PCDHGA4: variants seen among roughly 807,000 people sequenced by gnomAD.
PCDHGA4 encodes protocadherin gamma subfamily A, 4.
In PCDHGA4, 38 loss-of-function variants were observed where a neutral mutation model predicts 54.6. That is an observed-to-expected ratio of 0.70 (90% CI 0.54 to 0.91). The LOEUF is 0.91. Among genes scored for constraint, PCDHGA4 ranks in the 40% least tolerant of loss-of-function variants. The pLI is 0.00. For synonymous variants in PCDHGA4, 511 were observed against 512.9 expected (o/e 1.00, Z 0.05); for missense variants, 1,298 against 1,220.9 (o/e 1.06, Z -0.94).
Position 141,423,519 on chromosome 5 carries a change from G to A in PCDHGA4, c.2514+65898G>A, listed in dbSNP as rs758742300. On this transcript the variant is annotated intron_variant, in intron 1 of 3. Coordinates refer to ENST00000571252, the MANE Select transcript of PCDHGA4 (RefSeq NM_018917.4). ...ACGAGGTCTCTCTCATTGCGGACTC[G>A]CAGAAGAGTCACCTGATTTTCCCCC... 8.1e-6 allele frequency: 13 copies of A among 1,613,752 alleles called. 1 individual carries two copies. In the South Asian group the frequency reaches 1.1e-4, roughly 14 times the overall value.
At chr5:141,372,522 G>T in intron 1 of PCDHGA4, 1 of 1,613,986 alleles carries the variant, frequency 6.2e-7, no homozygotes, top group Non-Finnish European at 8.5e-7. Context: ...GGTGATTCTG[G>T]CAATCTCCCT....
intron 1 of PCDHGA4, among the ~76,000 whole-genome samples, chr5:141,402,022 T>A (rs1170426258): frequency 6.6e-6 from 1 of 152,210 alleles, no homozygotes; most frequent in East Asian, 1.9e-4. Context: ...TTTGAATCAT[T>A]GAAACACAGT....
rs557311426 is a variant in PCDHGA4, at chr5:141,384,226, G to T, written c.2514+26605G>T. 56 of 1,613,860 alleles carry T rather than the reference G, an allele frequency of 3.5e-5. No homozygotes were observed. In the East Asian group the frequency reaches 1.2e-3, roughly 34 times the overall value. ...GGAAACTCACATATTCATGCAGGTGGCAGACACCAACGATAACCCACCCAC... is the reference window on the plus strand; with the variant it reads ...GGAAACTCACATATTCATGCAGGTGTCAGACACCAACGATAACCCACCCAC... On this transcript the variant is annotated intron_variant, in intron 1 of 3. Coordinates refer to ENST00000571252, the MANE Select transcript of PCDHGA4 (RefSeq NM_018917.4).
intron 1 of PCDHGA4, chr5:141,383,490 G>A: frequency 6.2e-7 from 1 of 1,613,286 alleles, no homozygotes; most frequent in South Asian, 1.1e-5. Flanking sequence ...TGGTGCTGGA[G>A]CGGGTGCTGG....
intron 1 of PCDHGA4, chr5:141,370,117 T>A (rs1370014125): frequency 5.2e-6 from 2 of 381,566 alleles, no homozygotes; most frequent in Admixed American, 4.1e-5. Flanking sequence ...CCTAACTAGC[T>A]CCTTATTTGG....
At chr5:141,456,352 C>T (rs1253586137) in intron 1 of PCDHGA4, among the ~76,000 whole-genome samples, 1 of 152,050 alleles carries the variant, frequency 6.6e-6, no homozygotes, top group Non-Finnish European at 1.5e-5. Flanking sequence ...GGAAGAATGG[C>T]GTCCATGTGT....
At chr5:141,506,898 T>C (rs2099857040) in intron 3 of PCDHGA4, among the ~76,000 whole-genome samples, 1 of 152,260 alleles carries the variant, frequency 6.6e-6, no homozygotes, top group East Asian at 1.9e-4. Context: ...AGAAGCACTG[T>C]CATCACACCT....
chr5:141,403,438 T>G (rs759998240), intron 1 of PCDHGA4: 12 of 1,614,054 alleles, frequency 7.4e-6, no homozygotes, highest in Non-Finnish European at 8.5e-6. Flanking sequence ...ATCCGGATGT[T>G]GGCGTGAACT....
chr5:141,481,901 G>A (rs1297925755), intron 1 of PCDHGA4, among the ~76,000 whole-genome samples: 2 of 125,298 alleles, frequency 1.6e-5, no homozygotes, highest in Non-Finnish European at 3.2e-5. Context: ...GTGAAAGAGC[G>A]AAACTCCATC....
intron 1 of PCDHGA4, chr5:141,423,903 AG>A: frequency 7.8e-7 from 1 of 1,276,130 alleles, no homozygotes. Context: ...TTGATTTCAA[AG>A]GGGCCATTCA....
chr5:141,449,498 A>G (rs1190732747), intron 1 of PCDHGA4, among the ~76,000 whole-genome samples: 7 of 150,506 alleles, frequency 4.7e-5, no homozygotes, highest in Non-Finnish European at 8.9e-5. Flanking sequence ...GTGAGGCATG[A>G]GAAATGCTTG....
intron 1 of PCDHGA4, among the ~76,000 whole-genome samples, chr5:141,470,142 A>G (rs1308458765): frequency 6.6e-6 from 1 of 152,044 alleles, no homozygotes; most frequent in Non-Finnish European, 1.5e-5. Context: ...AAAAAAGATC[A>G]TAGATCATCT....
chr5:141,427,213 G>A (rs566924176), intron 1 of PCDHGA4: 3 of 456,706 alleles, frequency 6.6e-6, no homozygotes, highest in East Asian at 6.9e-5. Context: ...TTCGAATTTC[G>A]TAGCAGTTAT....
chr5:141,369,529 T>C (rs1766316708), intron 1 of PCDHGA4, among the ~76,000 whole-genome samples: 1 of 152,170 alleles, frequency 6.6e-6, no homozygotes, highest in South Asian at 2.1e-4. Flanking sequence ...TCAATCATAC[T>C]TATTTAATTA....
intron 1 of PCDHGA4, chr5:141,366,971 C>A: frequency 1.7e-6 from 1 of 573,096 alleles, no homozygotes; most frequent in Non-Finnish European, 2.8e-6. Flanking sequence ...GAAACAAATA[C>A]CTTAAAGGAA....
rs1193465269 is a variant in PCDHGA4 at position 141,467,055 on chromosome 5, C to CT, written c.2515-27736dup. Among the ~76,000 whole-genome samples, 814 of 134,448 alleles carry CT rather than the reference C, an allele frequency of 6.1e-3. 10 individuals carry two copies. Among genetic ancestry groups the CT allele is most frequent in the African/African-American group, 0.018 (656 of 36,920 alleles). The allele number at this position is 134,448 out of a possible 152,430, so 88.2% of individuals were successfully genotyped here. A position where few individuals can be genotyped will look rare whatever the true frequency, so the allele number is the denominator to read the frequency against. Reference sequence around the variant, plus strand: ...TTTTTGTGTAATGAATCAATGTTTTCTTTTTTTTTTTTTTTTAGACCAAGT... The same window carrying CT: ...TTTTTGTGTAATGAATCAATGTTTTCTTTTTTTTTTTTTTTTTAGACCAAGT... On this transcript the variant is annotated intron_variant, in intron 1 of 3. Coordinates refer to ENST00000571252, the MANE Select transcript of PCDHGA4 (RefSeq NM_018917.4).
intron 1 of PCDHGA4, chr5:141,361,004 A>C (rs907175903): frequency 1.2e-6 from 2 of 1,613,282 alleles, no homozygotes; most frequent in African/African-American, 1.3e-5. Flanking sequence ...CAAGTGAAAC[A>C]CTTTTTCAAC....
At chr5:141,395,131 C>T in intron 1 of PCDHGA4, 1 of 1,614,202 alleles carries the variant, frequency 6.2e-7, no homozygotes, top group Non-Finnish European at 8.5e-7. Flanking sequence ...TTTCCCCAGC[C>T]CAACTACGCA....
At chr5:141,428,184 C>A in intron 1 of PCDHGA4, 32 of 1,463,670 alleles carry the variant, frequency 2.2e-5, no homozygotes, top group Non-Finnish European at 3.0e-5. Context: ...GGAGGACAGC[C>A]GCCGCTCTCT....
Sources: allele counts gnomAD v4.1 joint callset (sites outside exome capture counted in the v4.1 genomes callset), GRCh38; gene constraint gnomAD v4.1.1; transcripts MANE v1.5; gene names NCBI Gene and HGNC (gene_info 2026-07-23, HGNC 2026-07-21).